PPP5C: variants seen among roughly 807,000 people sequenced by gnomAD.
The protein encoded by PPP5C is protein phosphatase 5 catalytic subunit.
A neutral mutation model predicts 66.7 loss-of-function variants in PPP5C; 21 were observed. That is an observed-to-expected ratio of 0.31 (90% CI 0.22 to 0.45). The LOEUF (loss-of-function observed/expected upper bound fraction) is 0.45. Among genes scored for constraint, PPP5C ranks in the 20% least tolerant of loss-of-function variants. The probability of loss-of-function intolerance (pLI) is 1.00; values close to 1 mark genes in which losing one functional copy is unlikely to be tolerated. For missense variants in PPP5C, 464 were observed against 675.9 expected (o/e 0.69, Z 3.48); for synonymous variants, 246 against 257.4 (o/e 0.96, Z 0.43).
chr19:46,350,553 CT>C (rs957497022), intron 1 of PPP5C, among the ~76,000 whole-genome samples: 6 of 152,174 alleles, frequency 3.9e-5, no homozygotes, highest in African/African-American at 1.4e-4. Context: ...GCCCAGGCCC[CT>C]TGCTGTCTGT....
rs538266536 is a variant in PPP5C, at chr19:46,374,977, T to A, written c.364-627T>A. 1.1e-4 allele frequency among the ~76,000 whole-genome samples: 17 copies of A among 152,244 alleles called. No individual in the cohort carries two copies. The South Asian group carries it at 3.3e-3, about 30-fold the overall frequency. ...TTCAGTGGACAAAACAGGGAAATCT[T>A]TTGTCCTGGGCCTCCCCAGAGTGTG... On this transcript the variant is annotated intron_variant, in intron 2 of 12. Transcript: ENST00000012443.
At chr19:46,380,149 G>A (rs940359593) in intron 4 of PPP5C, among the ~76,000 whole-genome samples, 3 of 151,850 alleles carry the variant, frequency 2.0e-5, no homozygotes, top group Admixed American at 2.0e-4. Context: ...CTACAACCCT[G>A]TCTCTACTAA....
At chr19:46,367,855 G>A (rs2147379347) in intron 2 of PPP5C, among the ~76,000 whole-genome samples, 2 of 152,222 alleles carry the variant, frequency 1.3e-5, no homozygotes, top group East Asian at 3.9e-4. Context: ...TCAGAATAAG[G>A]GCTTATGGGG....
At chr19:46,365,755 A>AG (rs1972480703) in intron 2 of PPP5C, among the ~76,000 whole-genome samples, 2 of 152,130 alleles carry the variant, frequency 1.3e-5, no homozygotes, top group African/African-American at 2.4e-5. Flanking sequence ...AGTGGGTCAA[A>AG]GGGGGCAATT....
chr19:46,384,930 G>T (rs374938808), intron 7 of PPP5C, 21 bp downstream of exon 7: 3 of 1,590,048 alleles, frequency 1.9e-6, no homozygotes, highest in Non-Finnish European at 2.6e-6. Flanking sequence ...AAGTGACAAG[G>T]TTTGGGTTCA....
At chr19:46,363,678 C>A (rs948995411) in intron 2 of PPP5C, among the ~76,000 whole-genome samples, 1 of 152,108 alleles carries the variant, frequency 6.6e-6, no homozygotes, top group African/African-American at 2.4e-5. Flanking sequence ...TCTGCCCCCG[C>A]TCAGCCTCCC....
chr19:46,351,033 C>G (rs1237217931), intron 1 of PPP5C, among the ~76,000 whole-genome samples: 1 of 152,174 alleles, frequency 6.6e-6, no homozygotes, highest in Non-Finnish European at 1.5e-5. Context: ...AGTGTCTCAA[C>G]TGTCTTCCCC....
chr19:46,381,869 G>C (rs372715591), intron 4 of PPP5C: 1 of 152,172 alleles, frequency 6.6e-6, no homozygotes, highest in Admixed American at 6.5e-5. Context: ...CTTTACCACC[G>C]GCTTTAAATG....
chr19:46,367,188 G>A (rs1972505412), intron 2 of PPP5C, among the ~76,000 whole-genome samples: 1 of 152,192 alleles, frequency 6.6e-6, no homozygotes, highest in South Asian at 2.1e-4. Context: ...TCTGACAGAA[G>A]GTTTAAAAAC....
At chr19:46,355,090 C>G (rs1161052989) in intron 2 of PPP5C, among the ~76,000 whole-genome samples, 1 of 152,360 alleles carries the variant, frequency 6.6e-6, no homozygotes, top group South Asian at 2.1e-4. Context: ...GGTGAAGTCA[C>G]CTGCCCAGTG....
chr19:46,363,307 CAAAAAAAAA>C (rs1158423038), intron 2 of PPP5C, among the ~76,000 whole-genome samples: 291 of 27,854 alleles, frequency 0.01, 3 homozygotes, highest in African/African-American at 0.052. Context: ...GACTCCATCT[CAAAAAAAAA>C]AAAAAAAAAA....
intron 4 of PPP5C, among the ~76,000 whole-genome samples, chr19:46,377,093 G>T (rs1347793044): frequency 6.6e-6 from 1 of 152,184 alleles, no homozygotes; most frequent in Non-Finnish European, 1.5e-5. Context: ...CATAGTTTTG[G>T]GGAACTGCTG....
At chr19:46,367,955 C>T (rs1329250801) in intron 2 of PPP5C, among the ~76,000 whole-genome samples, 2 of 152,150 alleles carry the variant, frequency 1.3e-5, no homozygotes, top group Non-Finnish European at 2.9e-5. Flanking sequence ...TTCCCCCGTT[C>T]CAGCTGCACA....
At chr19:46,365,669 C>T (rs62136107) in intron 2 of PPP5C, among the ~76,000 whole-genome samples, 1 of 152,160 alleles carries the variant, frequency 6.6e-6, no homozygotes, top group African/African-American at 2.4e-5. Context: ...ATGGGAGGCC[C>T]TTTAAGACTC....
Position 46,383,194 on chromosome 19 carries a change from A to G in PPP5C, c.634-217A>G, listed in dbSNP as rs567817991. 13 of 1,506,520 alleles carry G rather than the reference A, an allele frequency of 8.6e-6. No individual in the cohort carries two copies. In the East Asian group the frequency reaches 2.3e-4, roughly 26 times the overall value. 93.3% of individuals were successfully genotyped at this position (1,506,520 alleles called of 1,614,324 possible). A position where few individuals can be genotyped will look rare whatever the true frequency, so the allele number is the denominator to read the frequency against. On this transcript the variant is annotated intron_variant, in intron 4 of 12. Coordinates refer to ENST00000012443, the MANE Select transcript of PPP5C (RefSeq NM_006247.4). The surrounding 1 kb of genome is among the most constrained non-coding windows in gnomAD (Gnocchi z 5.0). ...AAGAATCAGGTTTTCGTACAAAACAATCGCAATGCTTCGGCACTGCACAGG... is the reference window on the plus strand; with the variant it reads ...AAGAATCAGGTTTTCGTACAAAACAGTCGCAATGCTTCGGCACTGCACAGG...
At chr19:46,352,204 G>A (rs1417536758) in intron 1 of PPP5C, among the ~76,000 whole-genome samples, 2 of 152,190 alleles carry the variant, frequency 1.3e-5, no homozygotes, top group Admixed American at 6.5e-5. Context: ...GGATGGATCT[G>A]TCTCCTCCAC....
rs754692842 is a variant in PPP5C, at chr19:46,375,720, C to T, written c.480C>T (p.Ser160=). The T allele has an allele frequency of 9.9e-6, 16 of 1,608,776 alleles. No individual in the cohort carries two copies. The highest frequency in any genetic ancestry group is 1.1e-5 in the South Asian group (1 of 90,246). Reference sequence around the variant, plus strand: ...TCGCGGGCGACGAGCACAAGCGCTCCGTGGTGGACTCGCTGGACATCGAGA... The same window carrying T: ...TCGCGGGCGACGAGCACAAGCGCTCTGTGGTGGACTCGCTGGACATCGAGA... ...RAIAGDEHKR[S]VVDSLDIESM... is the part of the protein sequence containing the mutation. Residue 160 remains serine (S), a synonymous_variant, in exon 3 of 13, where the codon TCC becomes TCT. Transcript: ENST00000012443.
At chr19:46,348,056 T>C (rs930520828) in intron 1 of PPP5C, among the ~76,000 whole-genome samples, 19 of 151,896 alleles carry the variant, frequency 1.3e-4, no homozygotes, top group African/African-American at 4.1e-4. Context: ...TGGAGGCTAC[T>C]TTAGATAGGG....
At chr19:46,356,317 T>G (rs556515184) in intron 2 of PPP5C, among the ~76,000 whole-genome samples, 1 of 152,364 alleles carries the variant, frequency 6.6e-6, no homozygotes, top group East Asian at 1.9e-4. Flanking sequence ...CCTTCAGCCT[T>G]GCTCCTTTCT....
Sources: allele counts gnomAD v4.1 joint callset (sites outside exome capture counted in the v4.1 genomes callset), GRCh38; gene constraint gnomAD v4.1.1; non-coding constraint Gnocchi (gnomAD v3.1); transcripts MANE v1.5; gene names NCBI Gene and HGNC (gene_info 2026-07-23, HGNC 2026-07-21).